Variants in TNFRSF1A observed in about 807,000 individuals in gnomAD.
TNFRSF1A encodes the protein TNF receptor superfamily member 1A.
Under a neutral mutation model 41.6 loss-of-function variants are expected in TNFRSF1A, and 9 were observed. The observed-to-expected ratio is 0.22, with a 90% CI of 0.13 to 0.38. TNFRSF1A has a LOEUF of 0.38. Among genes scored for constraint, TNFRSF1A ranks in the 10% least tolerant of loss-of-function variants. The probability of loss-of-function intolerance (pLI) is 1.00; values close to 1 mark genes in which losing one functional copy is unlikely to be tolerated. For missense variants in TNFRSF1A, 463 were observed against 591.5 expected, an observed-to-expected ratio of 0.78 and a Z score of 2.25; for synonymous variants, 254 against 248.6, an observed-to-expected ratio of 1.02 and a Z score of -0.21.
Position 6,329,963 on chromosome 12 carries a change from G to A in TNFRSF1A, c.872C>T (p.Ser291Phe), listed in dbSNP as rs370635498. 1 of 1,580,718 alleles carries A rather than the reference G, an allele frequency of 6.3e-7. No individual in the cohort carries two copies. Among genetic ancestry groups the A allele is most frequent in the African/African-American group, 1.3e-5 (1 of 74,134 alleles). The change falls in exon 9 of 10, where the codon TCC (serine) becomes TTC (phenylalanine). Residue 291 changes from serine (S) to phenylalanine (F), a missense_variant. This residue lies in a region of TNFRSF1A where 277 missense variants were observed against 288.8 expected (regional missense o/e 0.96). Coordinates refer to ENST00000162749, the MANE Select transcript of TNFRSF1A (RefSeq NM_001065.4). ...ATAGGTGGAGCTGGAGGTGAAGGTG[G>A]AACTGGGCACGGGACTGAAGCCCAG... ...PTLGFSPVPS[S>F]TFTSSSTYTP...
In TNFRSF1A at chr12:6,329,194, C is replaced by T; in HGVS notation, c.*118G>A. ...GCTATGTACATCGAGGGGTTAGCAC[C>T]AAGTAGGCGGCTGCTAGCTCCTGCT... On this transcript the variant is annotated 3_prime_UTR_variant, in exon 10 of 10. Coordinates refer to ENST00000162749, the MANE Select transcript of TNFRSF1A (RefSeq NM_001065.4). 1 of 1,030,328 alleles carries T rather than the reference C, an allele frequency of 9.7e-7. No homozygotes were observed. The highest frequency in any genetic ancestry group is 1.3e-6 in the Non-Finnish European group (1 of 746,456). 63.8% of individuals were successfully genotyped at this position (1,030,328 alleles called of 1,614,324 possible). A position where few individuals can be genotyped will look rare whatever the true frequency, so the allele number is the denominator to read the frequency against.
Position 6,334,083 on chromosome 12 carries a change from G to T in TNFRSF1A, c.193+8C>A. 1 of 1,614,198 alleles carries T rather than the reference G, an allele frequency of 6.2e-7. No individual in the cohort carries two copies. The highest frequency in any genetic ancestry group is 1.1e-5 in the South Asian group (1 of 91,086). Reference sequence around the variant, plus strand: ...CTGAGGGCATTCACCGTTTCCACTTGCCCCTACCTTTGTGGCACTTGGTAC... The same window carrying T: ...CTGAGGGCATTCACCGTTTCCACTTTCCCCTACCTTTGTGGCACTTGGTAC... On this transcript the variant is annotated splice_region_variant and intron_variant, in intron 2 of 9. Transcript: ENST00000162749. The surrounding 1 kb of genome is among the most constrained non-coding windows in gnomAD (Gnocchi z 5.1).
chr12:6,333,197 C>A lies in TNFRSF1A; in HGVS notation c.473-50G>T, dbSNP rs769877084. 6.3e-7 allele frequency: 1 copy of A among 1,592,626 alleles called. No homozygotes were observed. Among genetic ancestry groups the A allele is most frequent in the Non-Finnish European group, 8.6e-7 (1 of 1,162,552 alleles). ...TAAAGGAGAAGCGCCTGCACCCCCA[C>A]CCCACAGGACAGAGGAAGTGACGAG... On this transcript the variant is annotated intron_variant, in intron 4 of 9. Transcript: ENST00000162749. The surrounding 1 kb of genome is among the most constrained non-coding windows in gnomAD (Gnocchi z 6.3).
Position 6,337,820 on chromosome 12 carries a change from C to T in TNFRSF1A, c.40-3576G>A, listed in dbSNP as rs141104240. ...GTGTCTTATCCTCCCCTGGTGTCCT[C>T]TCAGCTCCCAGAACCAGACCTCCAG... is the stretch of plus-strand genomic sequence containing the variant. On this transcript the variant is annotated intron_variant, in intron 1 of 9. Coordinates refer to ENST00000162749, the MANE Select transcript of TNFRSF1A (RefSeq NM_001065.4). The surrounding 1 kb of genome is among the most constrained non-coding windows in gnomAD (Gnocchi z 4.6). 6.6e-6 allele frequency among the ~76,000 whole-genome samples: 1 copy of T among 152,280 alleles called. No homozygotes were observed. Among genetic ancestry groups the T allele is most frequent in the African/African-American group, 2.4e-5 (1 of 41,552 alleles).
At position 6,329,355 on chromosome 12, in the gene TNFRSF1A, C is replaced by T. The variant is rs770656568; in HGVS notation, c.1325G>A (p.Cys442Tyr). 6.7e-6 allele frequency: 10 copies of T among 1,487,442 alleles called. No homozygotes were observed. Among genetic ancestry groups the T allele is most frequent in the African/African-American group, 4.4e-5 (3 of 68,806 alleles). The allele number at this position is 1,487,442 out of a possible 1,614,324, so 92.1% of individuals were successfully genotyped here. ...GCLEDIEEALCGPAALPPAPS... is the reference protein window; with the variant it reads ...GCLEDIEEALYGPAALPPAPS... ...CGCGGGCGGGAGGGCGGCGGGGCCGCAAAGCGCCTCCTCGATGTCCTCCAG... is the reference window on the plus strand; with the variant it reads ...CGCGGGCGGGAGGGCGGCGGGGCCGTAAAGCGCCTCCTCGATGTCCTCCAG... The change falls in exon 10 of 10, where the codon TGC (cysteine) becomes TAC (tyrosine). Residue 442 changes from cysteine (C) to tyrosine (Y), a missense_variant. Around this residue, in one of 4 missense-constraint regions of TNFRSF1A, gnomAD observed 277 missense variants for 288.8 expected, o/e 0.96. Transcript: ENST00000162749.
At position 6,330,842 on chromosome 12, in the gene TNFRSF1A, CT is replaced by C. The variant is rs1309301702; in HGVS notation, c.625+10del. ...GCAGGTGAGCATGGGCACCAGGTCA[CT>C]TCTCCTCACCTGAGTCCTCAGTGCC... On this transcript the variant is annotated intron_variant, in intron 6 of 9. Coordinates refer to ENST00000162749, the MANE Select transcript of TNFRSF1A (RefSeq NM_001065.4). 3 of 1,613,252 alleles carry C rather than the reference CT, an allele frequency of 1.9e-6. No homozygotes were observed. The highest frequency in any genetic ancestry group is 2.5e-6 in the Non-Finnish European group (3 of 1,179,534).
intron 1 of TNFRSF1A, among the ~76,000 whole-genome samples, chr12:6,339,833 TCTCTCTCTCACA>T (rs1393866383): frequency 7.7e-6 from 1 of 129,652 alleles, no homozygotes; most frequent in Non-Finnish European, 1.5e-5. Context: ...TCTCTCTCTC[TCTCTCTCTCACA>T]CACACACACA....
Position 6,337,590 on chromosome 12 carries a change from T to G in TNFRSF1A, c.40-3346A>C, listed in dbSNP as rs997964960. ...GGGCCCAGTTGAGATCCCATCTCCCTCCCGTGAAGCCACCATTGACGATGT... is the reference window on the plus strand; with the variant it reads ...GGGCCCAGTTGAGATCCCATCTCCCGCCCGTGAAGCCACCATTGACGATGT... On this transcript the variant is annotated intron_variant, in intron 1 of 9. Transcript: ENST00000162749. This position sits in a 1 kb window ranked among gnomAD's most constrained non-coding sequence, Gnocchi z 4.6. Among the ~76,000 whole-genome samples, 1 of 152,160 alleles carries G rather than the reference T, an allele frequency of 6.6e-6. No individual in the cohort carries two copies. Among genetic ancestry groups the G allele is most frequent in the Admixed American group, 6.5e-5 (1 of 15,272 alleles).
chr12:6,330,019 G>C lies in TNFRSF1A; in HGVS notation c.816C>G (p.Ser272Arg). 2 of 1,611,128 alleles carry C rather than the reference G, an allele frequency of 1.2e-6. No homozygotes were observed. Among genetic ancestry groups the C allele is most frequent in the Non-Finnish European group, 1.7e-6 (2 of 1,178,668 alleles). The stretch of plus-strand genomic sequence containing the variant: ...GGGTGAAGCCTGGAGTGGGACTGAA[G>C]CTTGGGTTTGGGGCCAGGGGCTTAG... ...TTTKPLAPNPSFSPTPGFTPT... is the reference protein window; with the variant it reads ...TTTKPLAPNPRFSPTPGFTPT... Residue 272 changes from serine to arginine, a missense_variant, in exon 9 of 10, where the codon AGC (serine) becomes AGG (arginine). Transcript: ENST00000162749.
Position 6,329,379 on chromosome 12 carries a change from A to G in TNFRSF1A, c.1301T>C (p.Leu434Pro). 1 of 1,535,522 alleles carries G rather than the reference A, an allele frequency of 6.5e-7. No homozygotes were observed. Among genetic ancestry groups the G allele is most frequent in the Non-Finnish European group, 8.7e-7 (1 of 1,148,416 alleles). The change falls in exon 10 of 10, where the codon CTG becomes CCG. Residue 434 changes from leucine (L) to proline (P), a missense_variant. By Grantham distance (98) the Leu-to-Pro change is moderately conservative. This residue lies in a region of TNFRSF1A where 277 missense variants were observed against 288.8 expected (regional missense o/e 0.96). Coordinates refer to ENST00000162749, the MANE Select transcript of TNFRSF1A (RefSeq NM_001065.4). ...GCAAAGCGCCTCCTCGATGTCCTCC[A>G]GGCAGCCCAGCAGGTCCATGTCGCG... is the stretch of plus-strand genomic sequence containing the variant. ...VLRDMDLLGC[L>P]EDIEEALCGP... is the part of the protein sequence containing the mutation.
At position 6,333,251 on chromosome 12, in the gene TNFRSF1A, T is replaced by C. The variant is rs748712124; in HGVS notation, c.473-104A>G. ...CAGGGTGGGGGCGGCCAGAGAGGAG[T>C]TGGTTGTCAGACCCACAGAATACAG... On this transcript the variant is annotated intron_variant, in intron 4 of 9. Coordinates refer to ENST00000162749, the MANE Select transcript of TNFRSF1A (RefSeq NM_001065.4). The surrounding 1 kb of genome is among the most constrained non-coding windows in gnomAD (Gnocchi z 6.3). 2.6e-6 allele frequency: 4 copies of C among 1,549,432 alleles called. No individual in the cohort carries two copies. The highest frequency in any genetic ancestry group is 3.7e-5 in the Admixed American group (2 of 54,698).
At position 6,342,009 on chromosome 12, in the gene TNFRSF1A, C is replaced by A. The variant is rs1948201842; in HGVS notation, c.-195G>T. The A allele has an allele frequency of 1.5e-6, 1 of 657,726 alleles. No homozygotes were observed. Among genetic ancestry groups the A allele is most frequent in the Admixed American group, 2.3e-5 (1 of 44,130 alleles). The allele number at this position is 657,726 out of a possible 1,614,324, so 40.7% of individuals were successfully genotyped here. A position where few individuals can be genotyped will look rare whatever the true frequency, so the allele number is the denominator to read the frequency against. On this transcript the variant is annotated 5_prime_UTR_variant, in exon 1 of 10. Coordinates refer to ENST00000162749, the MANE Select transcript of TNFRSF1A (RefSeq NM_001065.4). ...TGAACCCCAAAGGCCAGAACTGGAG[C>A]CTCAGTCCAGAGAATTCTGAGAAAA... is the stretch of plus-strand genomic sequence containing the variant.
At chr12:6,330,231 G>A (rs1948028332) in intron 8 of TNFRSF1A, 36 bp downstream of exon 8, 1 of 1,613,996 alleles carries the variant, frequency 6.2e-7, no homozygotes, top group African/African-American at 1.3e-5. Flanking sequence ...GGAATGGTCA[G>A]GGACATTTGG....
Position 6,330,311 on chromosome 12 carries a change from G to A in TNFRSF1A, c.740-16C>T, listed in dbSNP as rs201046148. 2.3e-5 allele frequency: 37 copies of A among 1,612,116 alleles called. No individual in the cohort carries two copies. Among genetic ancestry groups the A allele is most frequent in the Non-Finnish European group, 2.9e-5 (34 of 1,178,420 alleles). ...TTCCCACAAACTGAGGAAAAAGAAA[G>A]AAAGCATCATAAATTTCACTTCCTC... On this transcript the variant is annotated splice_polypyrimidine_tract_variant and intron_variant, in intron 7 of 9. Transcript: ENST00000162749.
At chr12:6,338,919 A>T (rs1948152637) in intron 1 of TNFRSF1A, among the ~76,000 whole-genome samples, 1 of 152,116 alleles carries the variant, frequency 6.6e-6, no homozygotes, top group Non-Finnish European at 1.5e-5. Context: ...CATGAACCAC[A>T]GCACCCATCT....
intron 1 of TNFRSF1A, among the ~76,000 whole-genome samples, chr12:6,336,272 C>T (rs1948118801): frequency 6.6e-6 from 1 of 152,066 alleles, no homozygotes. Context: ...CACGTGTTCC[C>T]TTCTCTTTCC....
At position 6,334,363 on chromosome 12, in the gene TNFRSF1A, G is replaced by C; in HGVS notation, c.40-119C>G. On this transcript the variant is annotated intron_variant, in intron 1 of 9. Coordinates refer to ENST00000162749, the MANE Select transcript of TNFRSF1A (RefSeq NM_001065.4). This position sits in a 1 kb window ranked among gnomAD's most constrained non-coding sequence, Gnocchi z 5.1. ...TTCCTCAGTGAAACATTCCGCCCAG[G>C]CCACGCCACTCACTAAGTTTAGAGT... The C allele has an allele frequency of 2.4e-6, 2 of 819,334 alleles. No homozygotes were observed. Among genetic ancestry groups the C allele is most frequent in the Non-Finnish European group, 3.9e-6 (2 of 516,688 alleles). 50.8% of individuals were successfully genotyped at this position (819,334 alleles called of 1,614,324 possible).
chr12:6,329,577 G>T lies in TNFRSF1A; in HGVS notation c.1103C>A (p.Pro368Gln). ...TLYAVVENVP[P>Q]LRWKEFVRRL... is the part of the protein sequence containing the mutation. ...CCGCACGAATTCCTTCCAGCGCAAC[G>T]GGGGCACGTTCTCCACCACGGCGTA... Residue 368 changes from proline to glutamine, a missense_variant, in exon 10 of 10, where the codon CCG becomes CAG. This residue lies in a region of TNFRSF1A where 277 missense variants were observed against 288.8 expected (regional missense o/e 0.96). Coordinates refer to ENST00000162749, the MANE Select transcript of TNFRSF1A (RefSeq NM_001065.4). The T allele has an allele frequency of 6.3e-7, 1 of 1,592,374 alleles. No individual in the cohort carries two copies. Among genetic ancestry groups the T allele is most frequent in the Non-Finnish European group, 8.5e-7 (1 of 1,175,410 alleles).
chr12:6,341,940 G>A lies in TNFRSF1A; in HGVS notation c.-126C>T, dbSNP rs1348480714. ...AAGTGCCTTGGGGTGACAGTTGAGG[G>A]TTGAGACTCGGGCATAGAGATCACG... On this transcript the variant is annotated 5_prime_UTR_variant, in exon 1 of 10. Coordinates refer to ENST00000162749, the MANE Select transcript of TNFRSF1A (RefSeq NM_001065.4). The surrounding 1 kb of genome is among the most constrained non-coding windows in gnomAD (Gnocchi z 4.6). The A allele has an allele frequency of 9.3e-6, 9 of 972,398 alleles. No homozygotes were observed. Among genetic ancestry groups the A allele is most frequent in the Admixed American group, 5.6e-5 (3 of 53,432 alleles). The allele number at this position is 972,398 out of a possible 1,614,324, so 60.2% of individuals were successfully genotyped here.
Sources: gnomAD v4.1 joint callset for allele counts (sites outside exome capture counted in the v4.1 genomes callset) on GRCh38, gnomAD v4.1.1 for gene constraint, gnomAD v4.1.1 regional missense constraint, Gnocchi (gnomAD v3.1) non-coding constraint, MANE v1.5 for transcripts, NCBI Gene and HGNC (gene_info 2026-07-23, HGNC 2026-07-21) for gene names.